The following PDGFRL variants were observed in gnomAD, a reference collection of about 807,000 sequenced individuals.
PDGFRL encodes the protein platelet derived growth factor receptor like.
A neutral mutation model predicts 37.2 loss-of-function variants in PDGFRL; 46 were observed. The observed-to-expected ratio is 1.24, with a 90% CI of 0.98 to 1.58. PDGFRL has a LOEUF of 1.58. PDGFRL is among the 40% of genes most tolerant of loss of function. The probability of loss-of-function intolerance (pLI) is 0.00; values close to 1 mark genes in which losing one functional copy is unlikely to be tolerated. For synonymous variants in PDGFRL, 251 were observed against 184.3 expected, an observed-to-expected ratio of 1.36 and a Z score of -2.93; for missense variants, 692 against 467.6, an observed-to-expected ratio of 1.48 and a Z score of -4.43.
rs1164862154 is a variant in PDGFRL, at chr8:17,625,143, CG to C, written c.506-3343del. ...CTCCTAAAGCTATCCCTCCCCCCCC[CG>C]CATTTTTTTGTTTTTTTGTCTTTTT... is the stretch of plus-strand genomic sequence containing the variant. On this transcript the variant is annotated intron_variant, in intron 3 of 5. Transcript: ENST00000251630. Among the ~76,000 whole-genome samples the C allele has an allele frequency of 2.4e-4, 30 of 123,036 alleles. 1 individual carries two copies. The Middle Eastern group carries it at 0.016, about 66-fold the overall frequency. The allele number at this position is 123,036 out of a possible 152,430, so 80.7% of individuals were successfully genotyped here. A position where few individuals can be genotyped will look rare whatever the true frequency, so the allele number is the denominator to read the frequency against.
Position 17,628,706 on chromosome 8 carries a change from G to T in PDGFRL, c.725G>T (p.Gly242Val). 6.2e-7 allele frequency: 1 copy of T among 1,614,070 alleles called. No individual in the cohort carries two copies. Among genetic ancestry groups the T allele is most frequent in the Non-Finnish European group, 8.5e-7 (1 of 1,179,922 alleles). The change falls in exon 4 of 6, where the codon GGT (glycine) becomes GTT (valine). Residue 242 changes from glycine (G) to valine (V), a missense_variant. Gly to Val is a moderately radical substitution (Grantham distance 109, BLOSUM62 -3). Coordinates refer to ENST00000251630, the MANE Select transcript of PDGFRL (RefSeq NM_001372073.1). Reference sequence around the variant, plus strand: ...CTGCAACCTCATTCCGAGCACCAGGGTGTGGTTTACTGCAGGGCGGAGGCC... The same window carrying T: ...CTGCAACCTCATTCCGAGCACCAGGTTGTGGTTTACTGCAGGGCGGAGGCC... ...VYLQPHSEHQ[G>V]VVYCRAEAGG...
chr8:17,637,780 T>A (rs1362410679), intron 5 of PDGFRL, among the ~76,000 whole-genome samples: 2 of 152,224 alleles, frequency 1.3e-5, no homozygotes, highest in Non-Finnish European at 2.9e-5. Flanking sequence ...TTCTCTTTCT[T>A]CCTGGTTTAA....
chr8:17,627,155 G>T (rs1303490300), intron 3 of PDGFRL, among the ~76,000 whole-genome samples: 1 of 152,114 alleles, frequency 6.6e-6, no homozygotes. Flanking sequence ...GTGGCTGTGG[G>T]GCTGATTTCT....
chr8:17,593,468 C>A (rs1157315141), intron 2 of PDGFRL, among the ~76,000 whole-genome samples: 1 of 150,906 alleles, frequency 6.6e-6, no homozygotes, highest in Non-Finnish European at 1.5e-5. Flanking sequence ...CTTTGTAGTG[C>A]ATTCCTGTAG....
intron 2 of PDGFRL, among the ~76,000 whole-genome samples, chr8:17,612,241 G>A (rs924998093): frequency 1.3e-5 from 2 of 152,216 alleles, no homozygotes; most frequent in Non-Finnish European, 2.9e-5. Flanking sequence ...AAATACACAT[G>A]AGCCCTTGTG....
intron 3 of PDGFRL, 138 bp from the exon 4 acceptor site, chr8:17,628,349 C>G: frequency 1.5e-6 from 1 of 657,326 alleles, no homozygotes; most frequent in Non-Finnish European, 2.7e-6. Flanking sequence ...AAATGAAAAG[C>G]ATTAAAGTAA....
At chr8:17,605,880 CAATA>C (rs950133697) in intron 2 of PDGFRL, among the ~76,000 whole-genome samples, 40 of 152,078 alleles carry the variant, frequency 2.6e-4, no homozygotes, top group African/African-American at 9.4e-4. Flanking sequence ...CCTCGGAAAA[CAATA>C]AATAGCTTTT....
intron 2 of PDGFRL, among the ~76,000 whole-genome samples, chr8:17,604,362 T>C (rs191276017): frequency 6.6e-6 from 1 of 152,308 alleles, no homozygotes; most frequent in East Asian, 1.9e-4. Context: ...TAGACTGGAT[T>C]AAGAAAATGT....
In PDGFRL at chr8:17,643,035, T is replaced by G. The variant is rs1052863445; in HGVS notation, c.*234T>G. 10 of 429,856 alleles carry G rather than the reference T, an allele frequency of 2.3e-5. No individual in the cohort carries two copies. The highest frequency in any genetic ancestry group is 4.1e-5 in the African/African-American group (2 of 49,188). 26.6% of individuals were successfully genotyped at this position (429,856 alleles called of 1,614,324 possible). Reference sequence around the variant, plus strand: ...GATTTTGATTGCTTACCTACATACGTGTTCCTAGTTTTTATACATGTGTAA... The same window carrying G: ...GATTTTGATTGCTTACCTACATACGGGTTCCTAGTTTTTATACATGTGTAA... On this transcript the variant is annotated 3_prime_UTR_variant, in exon 6 of 6. Transcript: ENST00000251630.
intron 4 of PDGFRL, among the ~76,000 whole-genome samples, chr8:17,629,513 C>G (rs150429192): frequency 2.6e-5 from 4 of 152,174 alleles, no homozygotes; most frequent in African/African-American, 9.7e-5. Flanking sequence ...CCATTGCCAC[C>G]TGCCAACCCT....
At chr8:17,628,881 G>T in intron 4 of PDGFRL, 101 bp downstream of exon 4, 1 of 745,706 alleles carries the variant, frequency 1.3e-6, no homozygotes, top group East Asian at 2.6e-5. Flanking sequence ...CTCCATGAGT[G>T]CCTTTTGTTT....
intron 2 of PDGFRL, among the ~76,000 whole-genome samples, chr8:17,618,720 CT>C (rs1804576514): frequency 1.3e-5 from 2 of 152,146 alleles, no homozygotes; most frequent in Admixed American, 1.3e-4. Context: ...ACTCAATTCG[CT>C]CATGTTTAGG....
chr8:17,628,909 T>G, intron 4 of PDGFRL, 129 bp downstream of exon 4: 1 of 654,262 alleles, frequency 1.5e-6, no homozygotes, highest in Non-Finnish European at 2.6e-6. Context: ...GTTGGGTTGT[T>G]GTTGTTTTTT....
intron 3 of PDGFRL, among the ~76,000 whole-genome samples, chr8:17,625,320 C>G (rs962305048): frequency 1.3e-5 from 2 of 152,054 alleles, no homozygotes; most frequent in African/African-American, 4.8e-5. Flanking sequence ...CCCAACGAAT[C>G]TTTGTATTTT....
At chr8:17,608,925 G>A (rs534449353) in intron 2 of PDGFRL, among the ~76,000 whole-genome samples, 1 of 152,288 alleles carries the variant, frequency 6.6e-6, no homozygotes, top group African/African-American at 2.4e-5. Context: ...GTACAAAGCA[G>A]AGCCAAGGAG....
chr8:17,642,750 T>C lies in PDGFRL; in HGVS notation c.1077T>C (p.Ala359=). 1 of 1,611,132 alleles carries C rather than the reference T, an allele frequency of 6.2e-7. No individual in the cohort carries two copies. Among genetic ancestry groups the C allele is most frequent in the Non-Finnish European group, 8.5e-7 (1 of 1,177,222 alleles). The change falls in exon 6 of 6, where the codon GCT becomes GCC. Residue 359 remains alanine, a synonymous_variant. Transcript: ENST00000251630. The part of the protein sequence containing the change: ...TIDAGYYICT[A]QNLQGQTTVA... ...ATGCAGGATATTACATTTGCACTGC[T>C]CAGAATCTTCAAGGACAGACCACAG... is the stretch of plus-strand genomic sequence containing the variant.
intron 2 of PDGFRL, among the ~76,000 whole-genome samples, chr8:17,618,132 C>A (rs1429299449): frequency 1.3e-5 from 2 of 152,088 alleles, no homozygotes; most frequent in Non-Finnish European, 2.9e-5. Flanking sequence ...AATCATAGCT[C>A]ATTGCAGCCT....
chr8:17,630,362 C>T (rs1804836567), intron 4 of PDGFRL, among the ~76,000 whole-genome samples: 1 of 152,188 alleles, frequency 6.6e-6, no homozygotes, highest in Admixed American at 6.5e-5. Context: ...ACATGAAATA[C>T]TTTTTTCCCT....
chr8:17,629,347 C>T (rs1306501365), intron 4 of PDGFRL, among the ~76,000 whole-genome samples: 1 of 151,004 alleles, frequency 6.6e-6, no homozygotes, highest in Non-Finnish European at 1.5e-5. Context: ...CAAATCCTTC[C>T]ATCGTTCACT....
Sources: allele counts gnomAD v4.1 joint callset (sites outside exome capture counted in the v4.1 genomes callset), GRCh38; gene constraint gnomAD v4.1.1; transcripts MANE v1.5; gene names NCBI Gene and HGNC (gene_info 2026-07-23, HGNC 2026-07-21).